GSE1: variants seen among roughly 807,000 people sequenced by gnomAD.
The protein encoded by GSE1 is genetic suppressor element 1.
Under a neutral mutation model 112.6 loss-of-function variants are expected in GSE1, and 32 were observed. The ratio of observed to expected loss-of-function variants is 0.28; its 90% CI spans 0.21 to 0.38. The LOEUF (loss-of-function observed/expected upper bound fraction) is 0.38, where lower values mean the gene tolerates loss of function less well. Ranked by LOEUF, GSE1 falls within the 10% of genes least tolerant of loss-of-function variation. The pLI is 1.00. For missense variants in GSE1, 2,348 were observed against 1,699.2 expected (o/e 1.38, Z -6.71); for synonymous variants, 1,115 against 735.6 (o/e 1.52, Z -8.35).
intron 2 of GSE1, among the ~76,000 whole-genome samples, chr16:85,432,896 G>A (rs571136312): frequency 1.3e-5 from 2 of 152,196 alleles, no homozygotes; most frequent in Non-Finnish European, 1.5e-5. Context: ...AGCTCTATAC[G>A]GGTCATCCTG....
Position 85,673,582 on chromosome 16 carries a change from A to C in GSE1, c.*1043A>C, listed in dbSNP as rs2053512976. On this transcript the variant is annotated 3_prime_UTR_variant, in exon 16 of 16. Coordinates refer to ENST00000253458, the MANE Select transcript of GSE1 (RefSeq NM_014615.5). ...AATTAAAGAAGAAGAAAAGTAAAAG[A>C]GCTTACCACTGGCGCCTATGCGATC... 6.6e-6 allele frequency: 1 copy of C among 152,198 alleles called. No individual in the cohort carries two copies. The highest frequency in any genetic ancestry group is 1.9e-4 in the East Asian group (1 of 5,194). 9.4% of individuals were successfully genotyped at this position (152,198 alleles called of 1,614,324 possible). A position where few individuals can be genotyped will look rare whatever the true frequency, so the allele number is the denominator to read the frequency against.
At chr16:85,229,484 T>G (rs2075545346) in intron 1 of GSE1, among the ~76,000 whole-genome samples, 2 of 152,256 alleles carry the variant, frequency 1.3e-5, no homozygotes, top group Non-Finnish European at 2.9e-5. Flanking sequence ...CCAGAGTCTC[T>G]TGGACACTGT....
intron 1 of GSE1, among the ~76,000 whole-genome samples, chr16:85,633,020 G>GCCGCCC (rs1269856327): frequency 6.6e-6 from 1 of 151,872 alleles, no homozygotes; most frequent in African/African-American, 2.4e-5. Flanking sequence ...TGGTGCCGCC[G>GCCGCCC]CCGCCGCCGC....
chr16:85,296,861 G>A (rs1567670952), intron 1 of GSE1, among the ~76,000 whole-genome samples: 1 of 150,712 alleles, frequency 6.6e-6, no homozygotes. Flanking sequence ...TCCACAGCTT[G>A]CCTGGAGTCT....
At chr16:85,245,527 G>T (rs192245144) in intron 1 of GSE1, among the ~76,000 whole-genome samples, 3 of 152,272 alleles carry the variant, frequency 2.0e-5, no homozygotes, top group Admixed American at 2.0e-4. Flanking sequence ...TTCCTGACTG[G>T]CTGTGTTTAA....
At chr16:85,291,439 C>G (rs2151440296) in intron 1 of GSE1, among the ~76,000 whole-genome samples, 1 of 152,342 alleles carries the variant, frequency 6.6e-6, no homozygotes, top group East Asian at 1.9e-4. Flanking sequence ...GGACCTGCTA[C>G]CACCCTCGGA....
chr16:85,625,183 C>T (rs2048987257), intron 1 of GSE1, among the ~76,000 whole-genome samples: 3 of 152,280 alleles, frequency 2.0e-5, no homozygotes, highest in South Asian at 2.1e-4. Context: ...GCCAGTCCCG[C>T]CCTTCCCGCC....
At chr16:85,226,230 A>G (rs950072836) in intron 1 of GSE1, among the ~76,000 whole-genome samples, 6 of 152,182 alleles carry the variant, frequency 3.9e-5, no homozygotes, top group Admixed American at 3.9e-4. Context: ...CAGGAGTGAT[A>G]TCTGGATGAA....
chr16:85,499,090 T>C (rs1233297326), intron 2 of GSE1, among the ~76,000 whole-genome samples: 1 of 152,194 alleles, frequency 6.6e-6, no homozygotes, highest in East Asian at 2.0e-4. Context: ...GGAGTGAGAC[T>C]GCAGGTTCTG....
chr16:85,176,112 C>A (rs2074458678), intron 1 of GSE1, among the ~76,000 whole-genome samples: 1 of 152,334 alleles, frequency 6.6e-6, no homozygotes, highest in Non-Finnish European at 1.5e-5. Flanking sequence ...CCCCAGTCTT[C>A]TGAGTAGCTG....
chr16:85,278,600 A>T (rs1436628858), intron 1 of GSE1, among the ~76,000 whole-genome samples: 1 of 152,222 alleles, frequency 6.6e-6, no homozygotes, highest in Non-Finnish European at 1.5e-5. Context: ...TCATAAGCAC[A>T]GTTAAAAATC....
chr16:85,563,479 A>C (rs934094244), intron 1 of GSE1, among the ~76,000 whole-genome samples: 5 of 152,162 alleles, frequency 3.3e-5, no homozygotes, highest in African/African-American at 1.2e-4. Flanking sequence ...CTGTGCTGGA[A>C]GCTGGGAGTG....
At chr16:85,626,783 G>C (rs916327340) in intron 1 of GSE1, among the ~76,000 whole-genome samples, 1 of 152,282 alleles carries the variant, frequency 6.6e-6, no homozygotes, top group East Asian at 1.9e-4. Context: ...CGGGAGGCCG[G>C]GAGGGCGGCT....
At chr16:85,534,417 C>T (rs1437963177) in intron 2 of GSE1, among the ~76,000 whole-genome samples, 5 of 152,090 alleles carry the variant, frequency 3.3e-5, no homozygotes, top group Admixed American at 1.3e-4. Context: ...CCACCACGCC[C>T]GGCCAATTTC....
At chr16:85,307,600 G>A (rs866692238) in intron 1 of GSE1, among the ~76,000 whole-genome samples, 2 of 46,494 alleles carry the variant, frequency 4.3e-5, no homozygotes, top group African/African-American at 3.2e-4. Flanking sequence ...TGACAACAGC[G>A]TGTGATGGCA....
intron 2 of GSE1, among the ~76,000 whole-genome samples, chr16:85,511,102 T>A (rs898217565): frequency 7.9e-5 from 12 of 152,256 alleles, no homozygotes; most frequent in African/African-American, 2.9e-4. Context: ...TGCCTGGCAC[T>A]CAGTGAACAT....
intron 1 of GSE1, among the ~76,000 whole-genome samples, chr16:85,324,639 G>C (rs2046188312): frequency 6.6e-6 from 1 of 152,186 alleles, no homozygotes; most frequent in Non-Finnish European, 1.5e-5. Context: ...CAGTTGATGA[G>C]CGGATAAACA....
chr16:85,179,747 G>T (rs1320962482), intron 1 of GSE1, among the ~76,000 whole-genome samples: 1 of 149,728 alleles, frequency 6.7e-6, no homozygotes, highest in Non-Finnish European at 1.5e-5. Flanking sequence ...TTCTCCCTGG[G>T]ATGAGGGGAG....
At chr16:85,358,566 A>G (rs747559704) in intron 2 of GSE1, among the ~76,000 whole-genome samples, 1 of 151,998 alleles carries the variant, frequency 6.6e-6, no homozygotes, top group Non-Finnish European at 1.5e-5. Flanking sequence ...ATGGACAGAC[A>G]GGGGACTGCT....
Sources: gnomAD v4.1 joint callset for allele counts (sites outside exome capture counted in the v4.1 genomes callset) on GRCh38, gnomAD v4.1.1 for gene constraint, MANE v1.5 for transcripts, NCBI Gene and HGNC (gene_info 2026-07-23, HGNC 2026-07-21) for gene names.